The following CDK15 variants were observed in gnomAD, a reference collection of about 807,000 sequenced individuals.
The protein encoded by CDK15 is cyclin dependent kinase 15, also known as cyclin-dependent kinase 15.
Under a neutral mutation model 60.3 loss-of-function variants are expected in CDK15, and 62 were observed. The ratio of observed to expected loss-of-function variants is 1.03; its 90% confidence interval spans 0.84 to 1.27. The LOEUF is 1.27. Among genes scored for constraint, CDK15 ranks in the 50% most tolerant of loss-of-function variants. The probability of loss-of-function intolerance (pLI) is 0.00; values close to 1 mark genes in which losing one functional copy is unlikely to be tolerated. For synonymous variants in CDK15, 194 were observed against 195.7 expected (o/e 0.99, Z 0.07); for missense variants, 541 against 527.8 (o/e 1.03, Z -0.25).
intron 12 of CDK15, chr2:201,889,114 A>T: frequency 1.0e-6 from 1 of 985,432 alleles, no homozygotes; most frequent in Non-Finnish European, 1.2e-6. Flanking sequence ...GCAGAAGTTT[A>T]GGCCAGGCGA....
intron 12 of CDK15, among the ~76,000 whole-genome samples, chr2:201,889,886 T>C (rs1699583877): frequency 6.6e-6 from 1 of 151,200 alleles, no homozygotes; most frequent in Non-Finnish European, 1.5e-5. Flanking sequence ...CTTGTCTCCA[T>C]TAAAAATACA....
intron 6 of CDK15, among the ~76,000 whole-genome samples, chr2:201,828,578 G>A (rs781109855): frequency 6.6e-6 from 1 of 152,124 alleles, no homozygotes; most frequent in East Asian, 1.9e-4. Flanking sequence ...ATTTGTGAGG[G>A]ACACACTAAT....
chr2:201,891,627 A>T (rs1359340263), intron 13 of CDK15, among the ~76,000 whole-genome samples: 1 of 152,108 alleles, frequency 6.6e-6, no homozygotes, highest in Non-Finnish European at 1.5e-5. Flanking sequence ...CCATACCCTT[A>T]AATGAGTACT....
In CDK15 at chr2:201,872,310, C is replaced by T; in HGVS notation, c.1042C>T (p.His348Tyr). 1 of 1,614,064 alleles carries T rather than the reference C, an allele frequency of 6.2e-7. No homozygotes were observed. Among genetic ancestry groups the T allele is most frequent in the South Asian group, 1.1e-5 (1 of 91,062 alleles). ...WFPLPTPRSL[H>Y]VVWNRLGRVP... ...CCCACTGCCTACGCCTCGAAGCCTT[C>T]ATGTTGTCTGGAACAGGTGAGTACT... The change falls in exon 11 of 14, where the codon CAT becomes TAT. Residue 348 changes from histidine (H) to tyrosine (Y), a missense_variant. Transcript: ENST00000652192.
In CDK15 at chr2:201,888,383, T is replaced by A. The variant is rs563146819; in HGVS notation, c.1199-2402T>A. On this transcript the variant is annotated intron_variant, in intron 12 of 13. Transcript: ENST00000652192. ...CTAAAAGTTTTAAATAAACTTGTCC[T>A]GCCGACTGTCTAGATGACTGAATTT... 2.7e-4 allele frequency: 401 copies of A among 1,508,816 alleles called. 3 individuals are homozygous for A. In the South Asian group the frequency reaches 4.7e-3, roughly 18 times the overall value. 93.5% of individuals were successfully genotyped at this position (1,508,816 alleles called of 1,614,324 possible). A position where few individuals can be genotyped will look rare whatever the true frequency, so the allele number is the denominator to read the frequency against.
intron 10 of CDK15, chr2:201,860,811 T>C: frequency 7.4e-7 from 1 of 1,352,160 alleles, no homozygotes; most frequent in Non-Finnish European, 9.8e-7. Context: ...TGCAGCCTTG[T>C]TCTAGGAATG....
At chr2:201,884,311 G>A (rs138194995) in intron 12 of CDK15, among the ~76,000 whole-genome samples, 8 of 152,208 alleles carry the variant, frequency 5.3e-5, no homozygotes, top group Non-Finnish European at 8.8e-5. Flanking sequence ...GCATCTTAGG[G>A]GGAGAAAATC....
chr2:201,828,121 T>C (rs926540795), intron 6 of CDK15, among the ~76,000 whole-genome samples: 2 of 152,132 alleles, frequency 1.3e-5, no homozygotes, highest in Non-Finnish European at 1.5e-5. Context: ...TTAACAGAAA[T>C]AGGAGAAGAA....
chr2:201,860,096 G>A (rs969227577), intron 10 of CDK15, among the ~76,000 whole-genome samples: 2 of 152,192 alleles, frequency 1.3e-5, no homozygotes, highest in Non-Finnish European at 2.9e-5. Context: ...TCCACTGAAA[G>A]GGTCTGTCAT....
chr2:201,813,535 T>C (rs2024398), intron 4 of CDK15, among the ~76,000 whole-genome samples: 2 of 152,352 alleles, frequency 1.3e-5, no homozygotes, highest in East Asian at 1.9e-4. Context: ...ATGCAGAGTA[T>C]GCTGCTGGAT....
At chr2:201,842,576 C>T (rs971704594) in intron 8 of CDK15, among the ~76,000 whole-genome samples, 1 of 152,182 alleles carries the variant, frequency 6.6e-6, no homozygotes, top group Admixed American at 6.5e-5. Flanking sequence ...CTCCCAACAA[C>T]ATTTTGATAT....
chr2:201,841,476 C>G (rs1221505535), intron 8 of CDK15, among the ~76,000 whole-genome samples: 1 of 152,208 alleles, frequency 6.6e-6, no homozygotes, highest in South Asian at 2.1e-4. Flanking sequence ...GGTATTTACA[C>G]TGAGATCCCT....
At chr2:201,852,310 C>T (rs1284099321) in intron 9 of CDK15, among the ~76,000 whole-genome samples, 1 of 152,140 alleles carries the variant, frequency 6.6e-6, no homozygotes, top group African/African-American at 2.4e-5. Flanking sequence ...GCAATGGGTC[C>T]ATTCTAAATC....
At chr2:201,808,174 C>T (rs763262492) in intron 3 of CDK15, among the ~76,000 whole-genome samples, 10 of 152,188 alleles carry the variant, frequency 6.6e-5, no homozygotes, top group Non-Finnish European at 1.3e-4. Context: ...TGTTTATCAG[C>T]CTTTCCCTTC....
At chr2:201,836,360 G>A (rs2105748703) in intron 8 of CDK15, among the ~76,000 whole-genome samples, 1 of 150,794 alleles carries the variant, frequency 6.6e-6, no homozygotes, top group South Asian at 2.1e-4. Flanking sequence ...ACTAATATTT[G>A]TAGAAGATTC....
At chr2:201,818,572 G>C (rs1696087644) in intron 4 of CDK15, among the ~76,000 whole-genome samples, 1 of 152,204 alleles carries the variant, frequency 6.6e-6, no homozygotes, top group Non-Finnish European at 1.5e-5. Context: ...CCACACATCT[G>C]AGGCTGTAGG....
At chr2:201,875,273 G>T (rs1699033769) in intron 11 of CDK15, among the ~76,000 whole-genome samples, 1 of 152,130 alleles carries the variant, frequency 6.6e-6, no homozygotes, top group Admixed American at 6.5e-5. Context: ...AATTCAGGTG[G>T]GTTGGAATGA....
chr2:201,813,967 A>AT (rs1044318584), intron 4 of CDK15, among the ~76,000 whole-genome samples: 7 of 152,338 alleles, frequency 4.6e-5, no homozygotes, highest in African/African-American at 1.7e-4. Flanking sequence ...AATGGTCTCC[A>AT]TGAAAGGATG....
At chr2:201,855,066 C>A in intron 10 of CDK15, 129 bp downstream of exon 10, 1 of 739,760 alleles carries the variant, frequency 1.4e-6, no homozygotes. Context: ...TTTCTACATT[C>A]ATATATTCCC....
Sources: allele counts gnomAD v4.1 joint callset (sites outside exome capture counted in the v4.1 genomes callset), GRCh38; gene constraint gnomAD v4.1.1; transcripts MANE v1.5; gene names NCBI Gene and HGNC (gene_info 2026-07-23, HGNC 2026-07-21).